Variants in LNPK observed in about 807,000 individuals in gnomAD.
The protein encoded by LNPK is endoplasmic reticulum junction formation protein lunapark.
Under a neutral mutation model 55.2 loss-of-function variants are expected in LNPK, and 29 were observed. The observed-to-expected ratio is 0.53, with a 90% CI of 0.39 to 0.72. The LOEUF (loss-of-function observed/expected upper bound fraction) is 0.72, where lower values mean the gene tolerates loss of function less well. Among genes scored for constraint, LNPK ranks in the 30% least tolerant of loss-of-function variants. The probability of loss-of-function intolerance (pLI) is 0.00; values close to 1 mark genes in which losing one functional copy is unlikely to be tolerated. For missense variants in LNPK, 467 were observed against 494.8 expected (o/e 0.94, Z 0.53); for synonymous variants, 162 against 168.2 (o/e 0.96, Z 0.29).
chr2:175,989,882 C>A (rs1687614647), intron 4 of LNPK, among the ~76,000 whole-genome samples: 1 of 151,990 alleles, frequency 6.6e-6, no homozygotes, highest in Non-Finnish European at 1.5e-5. Context: ...TGATATTCTA[C>A]CATAAAGAAT....
At chr2:175,986,323 A>G (rs962431244) in intron 4 of LNPK, among the ~76,000 whole-genome samples, 1 of 152,138 alleles carries the variant, frequency 6.6e-6, no homozygotes, top group African/African-American at 2.4e-5. Context: ...TCTGAGAGCA[A>G]TACAATAAAA....
At chr2:175,931,399 T>G (rs1338493432) in intron 12 of LNPK, among the ~76,000 whole-genome samples, 1 of 152,180 alleles carries the variant, frequency 6.6e-6, no homozygotes, top group Non-Finnish European at 1.5e-5. Context: ...ATGGAAGTCT[T>G]AGAAATCCAT....
intron 5 of LNPK, among the ~76,000 whole-genome samples, chr2:175,977,718 T>C (rs1201478739): frequency 1.3e-5 from 2 of 152,080 alleles, no homozygotes; most frequent in South Asian, 2.1e-4. Flanking sequence ...ACAAATTATG[T>C]TGAGAAGGAA....
chr2:175,933,312 T>C (rs1574801249), intron 12 of LNPK, among the ~76,000 whole-genome samples: 1 of 152,188 alleles, frequency 6.6e-6, no homozygotes, highest in South Asian at 2.1e-4. Flanking sequence ...CAAAAACATG[T>C]AAAGAATATC....
At chr2:175,978,174 A>G (rs1686999566) in intron 5 of LNPK, among the ~76,000 whole-genome samples, 1 of 152,192 alleles carries the variant, frequency 6.6e-6, no homozygotes, top group African/African-American at 2.4e-5. Context: ...AAAAATAACA[A>G]CAATAAAAAA....
At chr2:175,937,960 A>G in intron 11 of LNPK, 1 of 184,850 alleles carries the variant, frequency 5.4e-6, no homozygotes, top group Non-Finnish European at 1.1e-5. Context: ...GTGGCTACAC[A>G]TGAGAATCAT....
intron 6 of LNPK, among the ~76,000 whole-genome samples, chr2:175,969,469 A>T (rs1686551827): frequency 6.6e-6 from 1 of 152,166 alleles, no homozygotes; most frequent in Non-Finnish European, 1.5e-5. Context: ...TTCTGGCCAT[A>T]TGATGCCAGT....
intron 4 of LNPK, among the ~76,000 whole-genome samples, chr2:175,982,830 A>C (rs762209280): frequency 1.3e-5 from 2 of 152,212 alleles, no homozygotes; most frequent in Non-Finnish European, 2.9e-5. Flanking sequence ...TTTTGTGAAG[A>C]TATTGACGAT....
rs572771940 is a variant in LNPK, at chr2:175,927,370, T to A, written c.*2597A>T. 6.6e-6 allele frequency: 1 copy of A among 152,242 alleles called. No individual in the cohort carries two copies. The highest frequency in any genetic ancestry group is 1.9e-4 in the East Asian group (1 of 5,176). 9.4% of individuals were successfully genotyped at this position (152,242 alleles called of 1,614,324 possible). ...ACATTATGTTGTGAAGACAGTAAAC[T>A]AGCAAACAAATCAAATACACATTGT... On this transcript the variant is annotated 3_prime_UTR_variant, in exon 13 of 13. Transcript: ENST00000272748.
At chr2:175,964,993 A>G (rs1255277682) in intron 6 of LNPK, among the ~76,000 whole-genome samples, 4 of 152,188 alleles carry the variant, frequency 2.6e-5, no homozygotes, top group Admixed American at 6.6e-5. Context: ...GTTAGCCAAG[A>G]GCTTTACAAA....
At chr2:175,983,357 A>G (rs1687262694) in intron 4 of LNPK, among the ~76,000 whole-genome samples, 1 of 152,210 alleles carries the variant, frequency 6.6e-6, no homozygotes, top group Non-Finnish European at 1.5e-5. Flanking sequence ...AATAACAGCT[A>G]AACAAATTCA....
chr2:175,981,973 T>A (rs1242678601), intron 4 of LNPK, among the ~76,000 whole-genome samples: 1 of 152,180 alleles, frequency 6.6e-6, no homozygotes, highest in African/African-American at 2.4e-5. Flanking sequence ...TTGTGATGAT[T>A]TATTTTTGTG....
intron 9 of LNPK, among the ~76,000 whole-genome samples, chr2:175,945,753 C>T (rs1685094722): frequency 1.3e-5 from 2 of 152,126 alleles, no homozygotes; most frequent in Non-Finnish European, 2.9e-5. Flanking sequence ...AATCTGGATA[C>T]ATGAAATAAT....
At chr2:175,944,585 T>G (rs1011250945) in intron 9 of LNPK, among the ~76,000 whole-genome samples, 1 of 151,998 alleles carries the variant, frequency 6.6e-6, no homozygotes, top group Non-Finnish European at 1.5e-5. Context: ...CAAGACAGAA[T>G]GAACATGATA....
intron 8 of LNPK, among the ~76,000 whole-genome samples, chr2:175,951,603 A>ATC (rs1559040280): frequency 2.4e-5 from 3 of 127,292 alleles, no homozygotes; most frequent in African/African-American, 8.4e-5. Context: ...ATATATATAT[A>ATC]TATATATCTC....
At chr2:175,963,514 A>G (rs819042) in intron 8 of LNPK, among the ~76,000 whole-genome samples, 39,095 of 151,890 alleles carry the variant, frequency 0.26, 5,751 homozygotes, top group South Asian at 0.41. Context: ...ATGAGAACAC[A>G]TGGATACAGG....
In LNPK at chr2:175,923,943, A is replaced by G. The variant is rs996139815; in HGVS notation, c.*6024T>C. On this transcript the variant is annotated 3_prime_UTR_variant, in exon 13 of 13. Transcript: ENST00000272748. ...TTGTATTCTAACAAATGTACTTTCT[A>G]TATTTATATATTTATCTGTCTACAT... 6.6e-6 allele frequency: 1 copy of G among 152,172 alleles called. No individual in the cohort carries two copies. Among genetic ancestry groups the G allele is most frequent in the East Asian group, 1.9e-4 (1 of 5,202 alleles). 9.4% of individuals were successfully genotyped at this position (152,172 alleles called of 1,614,324 possible).
chr2:175,992,655 T>A (rs925946092), intron 3 of LNPK, among the ~76,000 whole-genome samples: 28 of 152,148 alleles, frequency 1.8e-4, no homozygotes, highest in Non-Finnish European at 2.9e-5. Flanking sequence ...TTAGTTACTA[T>A]TTTTAAACTA....
chr2:175,954,582 A>T (rs532969508), intron 8 of LNPK, among the ~76,000 whole-genome samples: 6 of 152,286 alleles, frequency 3.9e-5, no homozygotes, highest in African/African-American at 1.4e-4. Flanking sequence ...TGCTTTTCAA[A>T]TTAAAAATAC....
Sources: allele counts gnomAD v4.1 joint callset (sites outside exome capture counted in the v4.1 genomes callset), GRCh38; gene constraint gnomAD v4.1.1; transcripts MANE v1.5; gene names NCBI Gene and HGNC (gene_info 2026-07-23, HGNC 2026-07-21).